The following GRM1 variants were observed in gnomAD, a reference collection of about 807,000 sequenced individuals.
The protein encoded by GRM1 is metabotropic glutamate receptor 1.
Under a neutral mutation model 90.9 loss-of-function variants are expected in GRM1, and 33 were observed. The observed-to-expected ratio is 0.36, with a 90% confidence interval of 0.28 to 0.49. The LOEUF (loss-of-function observed/expected upper bound fraction) is 0.49. Among genes scored for constraint, GRM1 ranks in the 20% least tolerant of loss-of-function variants. GRM1 has a pLI of 0.99. For missense variants in GRM1, 1,190 were observed against 1,534.3 expected (o/e 0.78, Z 3.75); for synonymous variants, 700 against 613.2 (o/e 1.14, Z -2.09).
chr6:146,072,145 C>G (rs1189326002), intron 1 of GRM1, among the ~76,000 whole-genome samples: 1 of 152,140 alleles, frequency 6.6e-6, no homozygotes, highest in African/African-American at 2.4e-5. Flanking sequence ...AGTGGTGTTG[C>G]TCTGGTTGAT....
intron 2 of GRM1, among the ~76,000 whole-genome samples, chr6:146,256,382 C>T (rs1040861041): frequency 2.1e-4 from 32 of 152,086 alleles, no homozygotes; most frequent in African/African-American, 7.7e-4. Context: ...AGAGTGAGTT[C>T]CTCCACTATA....
chr6:146,382,647 CAA>C (rs1022127926), intron 5 of GRM1, among the ~76,000 whole-genome samples: 22 of 152,160 alleles, frequency 1.4e-4, no homozygotes, highest in African/African-American at 5.1e-4. Context: ...TAATAACAGA[CAA>C]AGTCAGGTAC....
intron 1 of GRM1, among the ~76,000 whole-genome samples, chr6:146,073,808 A>G (rs915124267): frequency 1.3e-5 from 2 of 152,188 alleles, no homozygotes; most frequent in Non-Finnish European, 2.9e-5. Context: ...TGTATCTGGA[A>G]TGATGAAATT....
chr6:146,343,738 C>T (rs1785070068), intron 3 of GRM1, among the ~76,000 whole-genome samples: 1 of 151,962 alleles, frequency 6.6e-6, no homozygotes, highest in South Asian at 2.1e-4. Flanking sequence ...ACAATCTCTG[C>T]TCACTGCATC....
At chr6:146,082,087 A>G (rs1164387389) in intron 1 of GRM1, among the ~76,000 whole-genome samples, 1 of 152,106 alleles carries the variant, frequency 6.6e-6, no homozygotes, top group Non-Finnish European at 1.5e-5. Flanking sequence ...AGACTAGGAA[A>G]TAGGTAGGTG....
chr6:146,143,854 C>G (rs567610944), intron 1 of GRM1, among the ~76,000 whole-genome samples: 1 of 152,118 alleles, frequency 6.6e-6, no homozygotes, highest in Non-Finnish European at 1.5e-5. Context: ...TATAAGAAAC[C>G]TTAGAGATTT....
Position 146,029,264 on chromosome 6 carries a change from C to A in GRM1, c.-254C>A. 1 of 549,454 alleles carries A rather than the reference C, an allele frequency of 1.8e-6. No homozygotes were observed. The highest frequency in any genetic ancestry group is 2.0e-5 in the South Asian group (1 of 49,502). The allele number at this position is 549,454 out of a possible 1,614,324, so 34.0% of individuals were successfully genotyped here. On this transcript the variant is annotated 5_prime_UTR_variant, in exon 1 of 8. Coordinates refer to ENST00000282753, the MANE Select transcript of GRM1 (RefSeq NM_001278064.2). ...TGATCAATTTACCTTGATGCACTAC[C>A]GGTGAAGAACGGGGACTCGAATTCC... is the stretch of plus-strand genomic sequence containing the variant.
chr6:146,043,830 G>A (rs569914926), intron 1 of GRM1, among the ~76,000 whole-genome samples: 21 of 128,304 alleles, frequency 1.6e-4, no homozygotes, highest in Non-Finnish European at 2.8e-4. Flanking sequence ...TGACCTCCTC[G>A]TAGGTGTATA....
chr6:146,162,599 C>T (rs1291978206), intron 2 of GRM1, among the ~76,000 whole-genome samples: 3 of 152,124 alleles, frequency 2.0e-5, no homozygotes, highest in Non-Finnish European at 2.9e-5. Flanking sequence ...CAAGTAGTGT[C>T]ACTCATCACC....
chr6:146,356,930 A>G (rs758760325), intron 4 of GRM1, among the ~76,000 whole-genome samples: 52 of 152,294 alleles, frequency 3.4e-4, no homozygotes, highest in Non-Finnish European at 6.9e-4. Context: ...AATTACTGAA[A>G]TAACTGATAC....
At position 146,159,476 on chromosome 6, in the gene GRM1, C is replaced by A. The variant is rs1022097029; in HGVS notation, c.829C>A (p.Leu277Ile). The A allele has an allele frequency of 2.5e-6, 4 of 1,614,110 alleles. No homozygotes were observed. Among genetic ancestry groups the A allele is most frequent in the Non-Finnish European group, 3.4e-6 (4 of 1,180,036 alleles). Residue 277 changes from leucine (L) to isoleucine (I), a missense_variant, in exon 2 of 8, where the codon CTC becomes ATC. By Grantham distance (5) the Leu-to-Ile change is conservative. Transcript: ENST00000282753. Reference protein sequence around the residue: ...EKSFDRLLRKLRERLPKARVV... With the variant: ...EKSFDRLLRKIRERLPKARVV... Reference sequence around the variant, plus strand: ...GAGCTTTGACCGACTCTTGCGCAAACTCCGAGAGAGGCTTCCCAAGGCTAG... The same window carrying A: ...GAGCTTTGACCGACTCTTGCGCAAAATCCGAGAGAGGCTTCCCAAGGCTAG...
intron 1 of GRM1, among the ~76,000 whole-genome samples, chr6:146,125,397 G>A (rs1207083236): frequency 6.6e-6 from 1 of 151,686 alleles, no homozygotes; most frequent in East Asian, 1.9e-4. Flanking sequence ...TAGAACATAG[G>A]GATATTTTTT....
intron 3 of GRM1, among the ~76,000 whole-genome samples, chr6:146,332,834 G>A (rs1439999942): frequency 3.9e-5 from 6 of 152,042 alleles, no homozygotes; most frequent in Non-Finnish European, 8.8e-5. Context: ...CATGAGCTTG[G>A]CGACCCTGCC....
intron 6 of GRM1, among the ~76,000 whole-genome samples, chr6:146,389,890 C>A (rs972350882): frequency 6.6e-6 from 1 of 152,016 alleles, no homozygotes; most frequent in African/African-American, 2.4e-5. Context: ...TCCCATTTAC[C>A]ACTTGCTTGA....
chr6:146,432,537 T>C (rs1169232846), intron 7 of GRM1, among the ~76,000 whole-genome samples: 1 of 152,182 alleles, frequency 6.6e-6, no homozygotes, highest in Non-Finnish European at 1.5e-5. Context: ...AAAACTAGAA[T>C]ATGGATTAGT....
intron 2 of GRM1, among the ~76,000 whole-genome samples, chr6:146,187,976 A>C (rs1778796207): frequency 6.6e-6 from 1 of 152,110 alleles, no homozygotes. Flanking sequence ...CAGTTGGTAA[A>C]ATAGCAAGCC....
At chr6:146,386,867 T>C in intron 5 of GRM1, 23 bp from the exon 6 acceptor site, 1 of 1,591,974 alleles carries the variant, frequency 6.3e-7, no homozygotes, top group Non-Finnish European at 8.6e-7. Context: ...ATCTTTAAAA[T>C]TCATGAAATA....
At chr6:146,391,118 A>G (rs1446663342) in intron 6 of GRM1, among the ~76,000 whole-genome samples, 2 of 152,112 alleles carry the variant, frequency 1.3e-5, no homozygotes, top group African/African-American at 4.8e-5. Flanking sequence ...TTCTTAATTT[A>G]TGTTAAATTT....
At chr6:146,218,905 C>T (rs1779962931) in intron 2 of GRM1, among the ~76,000 whole-genome samples, 1 of 152,170 alleles carries the variant, frequency 6.6e-6, no homozygotes, top group South Asian at 2.1e-4. Context: ...CATGGCTGCA[C>T]CACCATTAAA....
Sources: gnomAD v4.1 joint callset for allele counts (sites outside exome capture counted in the v4.1 genomes callset) on GRCh38, gnomAD v4.1.1 for gene constraint, MANE v1.5 for transcripts, NCBI Gene and HGNC (gene_info 2026-07-23, HGNC 2026-07-21) for gene names.